PARPBP: variants seen among roughly 807,000 people sequenced by gnomAD.
PARPBP encodes PCNA-interacting partner.
In PARPBP, 52 loss-of-function variants were observed where a neutral mutation model predicts 50.0. That is an observed-to-expected ratio of 1.04 (90% CI 0.83 to 1.31). PARPBP has a LOEUF of 1.31. Among genes scored for constraint, PARPBP ranks in the 50% most tolerant of loss-of-function variants. The pLI is 0.00. For synonymous variants in PARPBP, 244 were observed against 232.1 expected, an observed-to-expected ratio of 1.05 and a Z score of -0.47; for missense variants, 697 against 672.0, an observed-to-expected ratio of 1.04 and a Z score of -0.41.
intron 9 of PARPBP, among the ~76,000 whole-genome samples, chr12:102,185,290 T>G (rs1020782855): frequency 3.9e-5 from 6 of 152,220 alleles, no homozygotes; most frequent in Non-Finnish European, 8.8e-5. Flanking sequence ...GAAAGGATCA[T>G]ATGATTTTTG....
intron 2 of PARPBP, among the ~76,000 whole-genome samples, chr12:102,129,730 T>C (rs1693998695): frequency 6.6e-6 from 1 of 152,208 alleles, no homozygotes; most frequent in Non-Finnish European, 1.5e-5. Flanking sequence ...ACCTCCCTGG[T>C]TGACTGTATT....
intron 3 of PARPBP, among the ~76,000 whole-genome samples, chr12:102,149,456 T>A (rs1885899752): frequency 6.6e-6 from 1 of 152,228 alleles, no homozygotes; most frequent in African/African-American, 2.4e-5. Context: ...TGGTCCAAGA[T>A]GACTGTTGGA....
At chr12:102,135,562 T>TGAC (rs1491160157) in intron 2 of PARPBP, among the ~76,000 whole-genome samples, 1 of 123,972 alleles carries the variant, frequency 8.1e-6, no homozygotes, top group Admixed American at 8.0e-5. Context: ...AAAAAAAAAA[T>TGAC]GACAAGGCAA....
intron 9 of PARPBP, among the ~76,000 whole-genome samples, chr12:102,188,254 C>T (rs961976226): frequency 6.6e-6 from 1 of 150,960 alleles, no homozygotes; most frequent in African/African-American, 2.4e-5. Context: ...GCCTCAAACA[C>T]GTGGCTGGTC....
chr12:102,148,718 A>G (rs1212376035), intron 3 of PARPBP: 1 of 303,088 alleles, frequency 3.3e-6, no homozygotes. Flanking sequence ...AATCCCTAAC[A>G]AAGAAATTAG....
chr12:102,164,853 A>C (rs374400697), intron 5 of PARPBP, among the ~76,000 whole-genome samples: 2 of 152,198 alleles, frequency 1.3e-5, no homozygotes, highest in Non-Finnish European at 2.9e-5. Flanking sequence ...ATTCTCTGTG[A>C]ATAAATGTTT....
chr12:102,148,706 A>G (rs917164393), intron 3 of PARPBP: 3 of 317,230 alleles, frequency 9.5e-6, no homozygotes, highest in African/African-American at 2.1e-5. Flanking sequence ...TATTAGATCA[A>G]AAATCCCTAA....
chr12:102,176,293 A>C lies in PARPBP; in HGVS notation c.1005+627A>C, dbSNP rs17032292. ...CACCACGCCTGGCCTAAATATTCTC[A>C]TAAACAATTACTTTCCCATTTACTC... On this transcript the variant is annotated intron_variant, in intron 7 of 10. Transcript: ENST00000327680. Among the ~76,000 whole-genome samples, 54 of 152,278 alleles carry C rather than the reference A, an allele frequency of 3.5e-4. No homozygotes were observed. The East Asian group carries it at 9.5e-3, about 27-fold the overall frequency.
chr12:102,195,981 C>G lies in PARPBP; in HGVS notation c.1430C>G (p.Thr477Arg). Residue 477 changes from threonine to arginine, a missense_variant, in exon 11 of 11, where the codon ACA (threonine) becomes AGA (arginine). Thr to Arg is a moderately conservative substitution (Grantham distance 71). Transcript: ENST00000327680. ...EGVNPSVGRS[T>R]IGTSFGNVHL... ...GTAAATCCATCTGTTGGAAGATCAA[C>G]AATTGGAACGAGTTTTGGAAATGTT... is the stretch of plus-strand genomic sequence containing the variant. The G allele has an allele frequency of 6.2e-7, 1 of 1,604,970 alleles. No homozygotes were observed. The highest frequency in any genetic ancestry group is 2.2e-5 in the East Asian group (1 of 44,698).
At chr12:102,153,601 C>CA (rs1342028625) in intron 3 of PARPBP, among the ~76,000 whole-genome samples, 2 of 152,326 alleles carry the variant, frequency 1.3e-5, no homozygotes, top group Admixed American at 6.5e-5. Flanking sequence ...TTTGGCCACA[C>CA]AAAGTGAGGA....
At chr12:102,172,689 A>G (rs1004825974) in intron 6 of PARPBP, among the ~76,000 whole-genome samples, 6 of 152,206 alleles carry the variant, frequency 3.9e-5, no homozygotes, top group Non-Finnish European at 7.3e-5. Context: ...TTAAAATTTA[A>G]CATTTTTGTC....
rs921297644 is a variant in PARPBP at position 102,137,679 on chromosome 12, A to G, written c.154-10551A>G. On this transcript the variant is annotated intron_variant, in intron 2 of 10. Coordinates refer to ENST00000327680, the MANE Select transcript of PARPBP (RefSeq NM_017915.5). ...CTCCCCCCACCCCACGACAGGCCCC[A>G]GTTTGTGATGTTCCCCTTCCTGTGT... is the stretch of plus-strand genomic sequence containing the variant. Among the ~76,000 whole-genome samples, 35 of 134,162 alleles carry G rather than the reference A, an allele frequency of 2.6e-4. 1 individual carries two copies. Among genetic ancestry groups the G allele is most frequent in the Admixed American group, 6.9e-4 (9 of 13,004 alleles). 88.0% of individuals were successfully genotyped at this position (134,162 alleles called of 152,430 possible).
Position 102,196,546 on chromosome 12 carries a change from CAG to C in PARPBP, c.*257_*258del, listed in dbSNP as rs1222450919. ...ATCTTAACACTACTTTCTTTTAAAA[CAG>C]ACATTTAACATACACAAGTTATAGT... On this transcript the variant is annotated 3_prime_UTR_variant, in exon 11 of 11. Transcript: ENST00000327680. 5.8e-6 allele frequency: 5 copies of C among 863,238 alleles called. No homozygotes were observed. The Admixed American group carries it at 9.3e-5, about 16-fold the overall frequency. The allele number at this position is 863,238 out of a possible 1,614,324, so 53.5% of individuals were successfully genotyped here.
rs1363929912 is a variant in PARPBP at position 102,123,993 on chromosome 12, C to G, written c.105C>G (p.Asp35Glu). 2 of 1,534,804 alleles carry G rather than the reference C, an allele frequency of 1.3e-6. No homozygotes were observed. The highest frequency in any genetic ancestry group is 1.7e-6 in the Non-Finnish European group (2 of 1,145,796). Residue 35 changes from aspartate to glutamate, a missense_variant, in exon 2 of 11, where the codon GAC (aspartate) becomes GAG (glutamate). By Grantham distance (45) the Asp-to-Glu change is conservative. Coordinates refer to ENST00000327680, the MANE Select transcript of PARPBP (RefSeq NM_017915.5). Reference protein sequence around the residue: ...NSERTTLCGADSMLLALQLSM... With the variant: ...NSERTTLCGAESMLLALQLSM... ...AGAGAACTACTCTATGTGGTGCAGACTCCATGCTCTTGGCATTGCAGCTTT... is the reference window on the plus strand; with the variant it reads ...AGAGAACTACTCTATGTGGTGCAGAGTCCATGCTCTTGGCATTGCAGCTTT...
intron 3 of PARPBP, chr12:102,151,505 TG>T: frequency 1.8e-6 from 2 of 1,101,450 alleles, no homozygotes; most frequent in Non-Finnish European, 2.6e-6. Context: ...CATCAGTGAA[TG>T]GGGTCCTTTG....
rs1883958921 is a variant in PARPBP, at chr12:102,138,127, TAAA to T, written c.154-10101_154-10099del. 2.6e-5 allele frequency among the ~76,000 whole-genome samples: 4 copies of T among 152,324 alleles called. No homozygotes were observed. The South Asian group carries it at 8.3e-4, about 32-fold the overall frequency. On this transcript the variant is annotated intron_variant, in intron 2 of 10. Coordinates refer to ENST00000327680, the MANE Select transcript of PARPBP (RefSeq NM_017915.5). ...CTAGTTTACAGTCCCACCAACAGTG[TAAA>T]AGTGTTCCTATTTCTCCACATCCTC...
rs560011420 is a variant in PARPBP at position 102,164,659 on chromosome 12, A to G, written c.666+51A>G. 2.4e-5 allele frequency: 34 copies of G among 1,435,880 alleles called. No individual in the cohort carries two copies. The Middle Eastern group carries it at 7.0e-4, about 30-fold the overall frequency. 88.9% of individuals were successfully genotyped at this position (1,435,880 alleles called of 1,614,324 possible). Reference sequence around the variant, plus strand: ...TTAAGACTCCTTGCACAGTGGATCCATGTATCCTAATATGCTTGTAACTAG... The same window carrying G: ...TTAAGACTCCTTGCACAGTGGATCCGTGTATCCTAATATGCTTGTAACTAG... On this transcript the variant is annotated intron_variant, in intron 5 of 10. Coordinates refer to ENST00000327680, the MANE Select transcript of PARPBP (RefSeq NM_017915.5).
At chr12:102,149,976 G>A (rs1472668723) in intron 3 of PARPBP, among the ~76,000 whole-genome samples, 1 of 152,176 alleles carries the variant, frequency 6.6e-6, no homozygotes, top group African/African-American at 2.4e-5. Context: ...AAAAACCAGT[G>A]ACAGTATAAT....
chr12:102,130,130 C>G (rs1257349093), intron 2 of PARPBP, among the ~76,000 whole-genome samples: 1 of 152,298 alleles, frequency 6.6e-6, no homozygotes, highest in East Asian at 1.9e-4. Flanking sequence ...CTGATGAAAA[C>G]AAGCAATGGG....
Sources: gnomAD v4.1 joint callset for allele counts (sites outside exome capture counted in the v4.1 genomes callset) on GRCh38, gnomAD v4.1.1 for gene constraint, MANE v1.5 for transcripts, NCBI Gene and HGNC (gene_info 2026-07-23, HGNC 2026-07-21) for gene names.